GALK2: variants seen among roughly 807,000 people sequenced by gnomAD.
GALK2 encodes N-acetylgalactosamine kinase.
A neutral mutation model predicts 52.4 loss-of-function variants in GALK2; 36 were observed. The ratio of observed to expected loss-of-function variants is 0.69; its 90% CI spans 0.53 to 0.91. GALK2 has a LOEUF of 0.91. GALK2 is among the 40% of genes least tolerant of loss of function. GALK2 has a pLI of 0.00. For missense variants in GALK2, 579 were observed against 559.1 expected, an observed-to-expected ratio of 1.04 and a Z score of -0.36; for synonymous variants, 176 against 199.1, an observed-to-expected ratio of 0.88 and a Z score of 0.98.
intron 3 of GALK2, chr15:49,365,107 C>G: frequency 4.4e-6 from 3 of 682,302 alleles, no homozygotes; most frequent in Non-Finnish European, 5.3e-6. Flanking sequence ...CACATTATAG[C>G]AGTTCCACAT....
intron 5 of GALK2, among the ~76,000 whole-genome samples, chr15:49,279,043 G>A (rs960171120): frequency 3.3e-5 from 5 of 152,214 alleles, no homozygotes; most frequent in African/African-American, 1.2e-4. Flanking sequence ...AGAACAGCAT[G>A]AGGGAAACCA....
chr15:49,180,190 C>G (rs1566909459), intron 1 of GALK2, among the ~76,000 whole-genome samples: 1 of 152,114 alleles, frequency 6.6e-6, no homozygotes, highest in East Asian at 1.9e-4. Flanking sequence ...GCTGTTAGCA[C>G]TTCATGTTAT....
chr15:49,296,987 A>G (rs1242654985), intron 8 of GALK2, among the ~76,000 whole-genome samples: 3 of 152,206 alleles, frequency 2.0e-5, no homozygotes, highest in Non-Finnish European at 4.4e-5. Context: ...TTCTGTTTTA[A>G]GTTCTTTGAG....
intron 7 of GALK2, among the ~76,000 whole-genome samples, chr15:49,288,978 T>C (rs1425045388): frequency 6.6e-6 from 1 of 152,214 alleles, no homozygotes; most frequent in East Asian, 1.9e-4. Flanking sequence ...CCTTCTGGCA[T>C]ATACTTCATT....
At chr15:49,366,566 T>G (rs1227564855) in intron 3 of GALK2, 22 of 1,596,048 alleles carry the variant, frequency 1.4e-5, no homozygotes, top group Non-Finnish European at 1.8e-5. Flanking sequence ...CATGCAGTAG[T>G]CCTTGGATGT....
intron 1 of GALK2, among the ~76,000 whole-genome samples, chr15:49,161,386 A>C (rs1444949899): frequency 6.6e-6 from 1 of 152,238 alleles, no homozygotes; most frequent in Non-Finnish European, 1.5e-5. Context: ...TTAATAGATT[A>C]ATCTTTCTGT....
In GALK2 at chr15:49,312,765, G is replaced by C. The variant is rs900395275; in HGVS notation, c.968-6839G>C. ...GCACAGTGCATGAGAGCTGTCTTCA[G>C]ATATCTGAAGGGTTACCTTGTGTTT... On this transcript the variant is annotated intron_variant, in intron 8 of 9. Coordinates refer to ENST00000560031, the MANE Select transcript of GALK2 (RefSeq NM_002044.4). Among the ~76,000 whole-genome samples, 4 of 152,320 alleles carry C rather than the reference G, an allele frequency of 2.6e-5. No homozygotes were observed. The East Asian group carries it at 7.7e-4, about 29-fold the overall frequency.
chr15:49,341,988 G>T (rs2040803678), intron 3 of GALK2, among the ~76,000 whole-genome samples: 1 of 152,126 alleles, frequency 6.6e-6, no homozygotes, highest in Non-Finnish European at 1.5e-5. Context: ...GTGTGCAGAT[G>T]ATAGCAATGT....
chr15:49,360,699 A>G (rs2044068998), intron 3 of GALK2, among the ~76,000 whole-genome samples: 1 of 152,216 alleles, frequency 6.6e-6, no homozygotes, highest in Non-Finnish European at 1.5e-5. Context: ...TTTACTCATA[A>G]TTCAAATATC....
chr15:49,355,752 ACTC>A (rs1395132185), intron 3 of GALK2, among the ~76,000 whole-genome samples: 2 of 151,354 alleles, frequency 1.3e-5, no homozygotes, highest in Non-Finnish European at 3.0e-5. Context: ...CCACAAAGAT[ACTC>A]CTCGAGAAGA....
chr15:49,266,893 G>C (rs1326350640), intron 5 of GALK2, among the ~76,000 whole-genome samples: 1 of 152,060 alleles, frequency 6.6e-6, no homozygotes, highest in Non-Finnish European at 1.5e-5. Flanking sequence ...ATGGGAAGAG[G>C]GTGGCTAGAC....
intron 5 of GALK2, among the ~76,000 whole-genome samples, chr15:49,256,648 G>C (rs527433716): frequency 6.6e-6 from 1 of 152,264 alleles, no homozygotes; most frequent in South Asian, 2.1e-4. Flanking sequence ...GCTTTAGCCA[G>C]ATGTAATTGG....
At chr15:49,252,372 A>G (rs1363925494) in intron 5 of GALK2, among the ~76,000 whole-genome samples, 3 of 152,132 alleles carry the variant, frequency 2.0e-5, no homozygotes, top group Non-Finnish European at 2.9e-5. Flanking sequence ...GCACATCTAC[A>G]TATACTGAAT....
chr15:49,337,077 T>G (rs1596271064), intron 3 of GALK2, among the ~76,000 whole-genome samples: 1 of 152,254 alleles, frequency 6.6e-6, no homozygotes. Context: ...CCACATTTTC[T>G]TTATCCAGTC....
chr15:49,209,907 G>A (rs1295682496), intron 2 of GALK2, among the ~76,000 whole-genome samples: 3 of 152,186 alleles, frequency 2.0e-5, no homozygotes, highest in Non-Finnish European at 4.4e-5. Flanking sequence ...AAAAGAATTG[G>A]TGTTAGTTCT....
chr15:49,210,821 A>G (rs1453613909), intron 2 of GALK2, among the ~76,000 whole-genome samples: 1 of 151,978 alleles, frequency 6.6e-6, no homozygotes, highest in African/African-American at 2.4e-5. Context: ...ATCTTGGCTC[A>G]CTGCAACCTG....
chr15:49,319,974 A>G (rs187079254), intron 9 of GALK2, among the ~76,000 whole-genome samples, 169 bp downstream of exon 9: 1 of 152,304 alleles, frequency 6.6e-6, no homozygotes, highest in African/African-American at 2.4e-5. Flanking sequence ...AAATACCTGT[A>G]GGATGAAAGA....
Position 49,235,936 on chromosome 15 carries a change from A to T in GALK2, c.352A>T (p.Ile118Phe), listed in dbSNP as rs779435434. Residue 118 changes from isoleucine to phenylalanine, a missense_variant, in exon 4 of 10, where the codon ATT becomes TTT. Transcript: ENST00000560031. ...CTATTTCTTATGTGGACTTAAAGGA[A>T]TTCAGGTAAATTGGTTTATAAGGCA... The part of the protein sequence containing the change: ...HNYFLCGLKG[I>F]QEHFGLSNLT... The T allele has an allele frequency of 6.2e-7, 1 of 1,602,062 alleles. No individual in the cohort carries two copies. Among genetic ancestry groups the T allele is most frequent in the Non-Finnish European group, 8.6e-7 (1 of 1,169,100 alleles).
chr15:49,171,023 C>T (rs2085042607), intron 1 of GALK2, among the ~76,000 whole-genome samples: 1 of 151,338 alleles, frequency 6.6e-6, no homozygotes, highest in South Asian at 2.1e-4. Flanking sequence ...TGACTCTCTG[C>T]TTTTGCTGTT....
Sources: gnomAD v4.1 joint callset for allele counts (sites outside exome capture counted in the v4.1 genomes callset) on GRCh38, gnomAD v4.1.1 for gene constraint, MANE v1.5 for transcripts, NCBI Gene and HGNC (gene_info 2026-07-23, HGNC 2026-07-21) for gene names.